Variants in KCNK5 observed in about 807,000 individuals in gnomAD.
KCNK5 encodes potassium two pore domain channel subfamily K member 5, also known as potassium channel subfamily K member 5.
A neutral mutation model predicts 32.9 loss-of-function variants in KCNK5; 18 were observed. The observed-to-expected ratio is 0.55, with a 90% confidence interval of 0.38 to 0.81. The LOEUF (loss-of-function observed/expected upper bound fraction) is 0.81. KCNK5 is among the 30% of genes least tolerant of loss of function. The probability of loss-of-function intolerance (pLI) is 0.00; values close to 1 mark genes in which losing one functional copy is unlikely to be tolerated. For synonymous variants in KCNK5, 276 were observed against 275.3 expected (o/e 1.00, Z -0.03); for missense variants, 507 against 651.0 (o/e 0.78, Z 2.41).
intron 1 of KCNK5, among the ~76,000 whole-genome samples, chr6:39,207,894 C>T (rs1315435868): frequency 1.3e-5 from 2 of 152,134 alleles, no homozygotes; most frequent in East Asian, 3.9e-4. Flanking sequence ...AGACTCCTAC[C>T]TCCCTGGGAG....
chr6:39,208,964 C>G (rs903021401), intron 1 of KCNK5, among the ~76,000 whole-genome samples: 1 of 152,114 alleles, frequency 6.6e-6, no homozygotes, highest in Non-Finnish European at 1.5e-5. Context: ...GTGGTGCATG[C>G]CTGTGGTCCC....
rs1771022974 is a variant in KCNK5, at chr6:39,195,928, G to A, written c.246C>T (p.Asn82=). The change falls in exon 2 of 5, where the codon AAC becomes AAT. Residue 82 remains asparagine (N), a synonymous_variant. Transcript: ENST00000359534. ...AAATCATTGCATTGGGCCAGTTCCA[G>A]TTGTTGAAGGTCTGGTTCCCTGTGA... The part of the protein sequence containing the change: ...VAITGNQTFN[N]WNWPNAMIFA... 1.2e-6 allele frequency: 2 copies of A among 1,614,068 alleles called. No homozygotes were observed. The highest frequency in any genetic ancestry group is 8.5e-7 in the Non-Finnish European group (1 of 1,179,962).
chr6:39,194,540 C>T lies in KCNK5; in HGVS notation c.465+54G>A, dbSNP rs1460202001. 6.3e-7 allele frequency: 1 copy of T among 1,593,284 alleles called. No individual in the cohort carries two copies. The highest frequency in any genetic ancestry group is 8.6e-7 in the Non-Finnish European group (1 of 1,165,292). On this transcript the variant is annotated intron_variant, in intron 3 of 4. Coordinates refer to ENST00000359534, the MANE Select transcript of KCNK5 (RefSeq NM_003740.4). This position sits in a 1 kb window ranked among gnomAD's most constrained non-coding sequence, Gnocchi z 4.7. ...ATTCCTAGAGGCCTCCTGTCCTCCC[C>T]TCACCTGTCATGGTTCCCCCATCTC...
chr6:39,217,661 C>T (rs2113795739), intron 1 of KCNK5, among the ~76,000 whole-genome samples: 1 of 152,344 alleles, frequency 6.6e-6, no homozygotes, highest in East Asian at 1.9e-4. Context: ...AAGCTCCCTC[C>T]AGCCTCACAT....
At chr6:39,218,297 C>G (rs750274112) in intron 1 of KCNK5, among the ~76,000 whole-genome samples, 1 of 152,086 alleles carries the variant, frequency 6.6e-6, no homozygotes, top group Non-Finnish European at 1.5e-5. Context: ...TCTTGAACTC[C>G]TGACCTTGTG....
chr6:39,215,171 G>A (rs1241272825), intron 1 of KCNK5, among the ~76,000 whole-genome samples: 2 of 152,146 alleles, frequency 1.3e-5, no homozygotes, highest in African/African-American at 4.8e-5. Context: ...TCTGGAAGAT[G>A]GGGGAGGTGA....
intron 1 of KCNK5, among the ~76,000 whole-genome samples, chr6:39,200,812 G>GACATCCCC (rs1307293260): frequency 7.2e-5 from 11 of 151,850 alleles, no homozygotes; most frequent in Non-Finnish European, 1.3e-4. Context: ...TTGACTCCCA[G>GACATCCCC]ACATCCCCTC....
chr6:39,191,819 C>T lies in KCNK5; in HGVS notation c.635-64G>A. On this transcript the variant is annotated intron_variant, in intron 4 of 4. Coordinates refer to ENST00000359534, the MANE Select transcript of KCNK5 (RefSeq NM_003740.4). This position sits in a 1 kb window ranked among gnomAD's most constrained non-coding sequence, Gnocchi z 5.8. The stretch of plus-strand genomic sequence containing the variant: ...CAGGGCCCGGGAAATGTGCAATGGC[C>T]AATGCTGTGTGATCTGAGCAGGGGT... 6.5e-7 allele frequency: 1 copy of T among 1,538,520 alleles called. No individual in the cohort carries two copies. Among genetic ancestry groups the T allele is most frequent in the Non-Finnish European group, 8.8e-7 (1 of 1,131,366 alleles).
chr6:39,224,294 T>C (rs1425744199), intron 1 of KCNK5, among the ~76,000 whole-genome samples: 1 of 152,180 alleles, frequency 6.6e-6, no homozygotes, highest in Non-Finnish European at 1.5e-5. Flanking sequence ...TTGTGTTCCT[T>C]TTACTTACAA....
chr6:39,215,253 C>T (rs1208953428), intron 1 of KCNK5, among the ~76,000 whole-genome samples: 3 of 152,150 alleles, frequency 2.0e-5, no homozygotes, highest in Admixed American at 6.5e-5. Context: ...CAAGACACTA[C>T]TGCCTCGGCT....
chr6:39,229,204 A>G lies in KCNK5; in HGVS notation c.-93T>C. 1 of 1,311,786 alleles carries G rather than the reference A, an allele frequency of 7.6e-7. No individual in the cohort carries two copies. Among genetic ancestry groups the G allele is most frequent in the Non-Finnish European group, 1.1e-6 (1 of 946,524 alleles). 81.3% of individuals were successfully genotyped at this position (1,311,786 alleles called of 1,614,324 possible). On this transcript the variant is annotated 5_prime_UTR_variant, in exon 1 of 5. Transcript: ENST00000359534. Reference sequence around the variant, plus strand: ...TCCAGCCTCTGAAAACAGCTGTTTGAATTTGGAGCTCCGCATGCGCAGTGC... The same window carrying G: ...TCCAGCCTCTGAAAACAGCTGTTTGGATTTGGAGCTCCGCATGCGCAGTGC...
chr6:39,223,483 C>G (rs760753646), intron 1 of KCNK5, among the ~76,000 whole-genome samples: 5 of 152,226 alleles, frequency 3.3e-5, no homozygotes, highest in Admixed American at 6.5e-5. Context: ...TTCTCCACTC[C>G]CTACAAGGAA....
chr6:39,218,462 G>C (rs910057377), intron 1 of KCNK5, among the ~76,000 whole-genome samples: 1 of 152,180 alleles, frequency 6.6e-6, no homozygotes, highest in African/African-American at 2.4e-5. Flanking sequence ...AGAGTAATCT[G>C]AACTTGGTTC....
At chr6:39,203,374 A>T (rs1771164380) in intron 1 of KCNK5, among the ~76,000 whole-genome samples, 1 of 152,238 alleles carries the variant, frequency 6.6e-6, no homozygotes, top group African/African-American at 2.4e-5. Flanking sequence ...GGCAAGCCCA[A>T]GATGCCTCAC....
chr6:39,199,502 T>C (rs959445609), intron 1 of KCNK5, among the ~76,000 whole-genome samples: 7 of 152,184 alleles, frequency 4.6e-5, no homozygotes, highest in Non-Finnish European at 1.0e-4. Context: ...AAGGAGGCAC[T>C]GGAGAGAGCC....
intron 1 of KCNK5, among the ~76,000 whole-genome samples, chr6:39,208,563 C>T (rs187433807): frequency 2.1e-4 from 32 of 152,352 alleles, no homozygotes; most frequent in Admixed American, 1.3e-3. Context: ...GTTCAGTCTG[C>T]GTCTGAGACA....
At chr6:39,224,086 CTT>C (rs10664461) in intron 1 of KCNK5, among the ~76,000 whole-genome samples, 13 of 142,492 alleles carry the variant, frequency 9.1e-5, no homozygotes, top group South Asian at 2.2e-4. Context: ...CAGACTAAGG[CTT>C]TTTTTTTTTT....
intron 1 of KCNK5, among the ~76,000 whole-genome samples, chr6:39,223,039 T>G (rs1466821738): frequency 6.6e-6 from 1 of 152,240 alleles, no homozygotes; most frequent in Non-Finnish European, 1.5e-5. Flanking sequence ...CTGTGTTTTT[T>G]GCGTTTAAAA....
intron 1 of KCNK5, among the ~76,000 whole-genome samples, chr6:39,219,355 G>A (rs887513749): frequency 1.3e-5 from 2 of 152,100 alleles, no homozygotes; most frequent in Admixed American, 1.3e-4. Context: ...CACTGAGTGA[G>A]CTTTACAGGC....
Sources: allele counts gnomAD v4.1 joint callset (sites outside exome capture counted in the v4.1 genomes callset), GRCh38; gene constraint gnomAD v4.1.1; non-coding constraint Gnocchi (gnomAD v3.1); transcripts MANE v1.5; gene names NCBI Gene and HGNC (gene_info 2026-07-23, HGNC 2026-07-21).